The following MAGI2 variants were observed in gnomAD, a reference collection of about 807,000 sequenced individuals.
MAGI2 encodes the protein membrane-associated guanylate kinase, WW and PDZ domain-containing protein 2.
MAGI2 carries 35 observed loss-of-function variants against 133.3 expected under a neutral mutation model. The observed-to-expected ratio is 0.26, with a 90% CI of 0.20 to 0.35. The LOEUF is 0.35. MAGI2 is among the 10% of genes least tolerant of loss of function. MAGI2 has a pLI of 1.00. For synonymous variants in MAGI2, 729 were observed against 710.6 expected, an observed-to-expected ratio of 1.03 and a Z score of -0.41; for missense variants, 1,636 against 1,863.4, an observed-to-expected ratio of 0.88 and a Z score of 2.25.
chr7:78,866,637 C>A (rs2151512070), intron 2 of MAGI2, among the ~76,000 whole-genome samples: 1 of 151,960 alleles, frequency 6.6e-6, no homozygotes, highest in East Asian at 1.9e-4. Context: ...CTTTAAAATG[C>A]CAGACATTTG....
intron 12 of MAGI2, among the ~76,000 whole-genome samples, chr7:78,187,824 G>A (rs897927652): frequency 3.8e-4 from 58 of 152,124 alleles, no homozygotes; most frequent in African/African-American, 1.3e-3. Flanking sequence ...ATACTCTCAC[G>A]AGGACCTACT....
At chr7:78,262,927 G>A (rs943439662) in intron 9 of MAGI2, among the ~76,000 whole-genome samples, 6 of 152,120 alleles carry the variant, frequency 3.9e-5, no homozygotes, top group African/African-American at 1.4e-4. Context: ...CATCGCCCAG[G>A]TAGTAAGCAT....
chr7:79,131,658 T>C (rs1820947186), intron 1 of MAGI2, among the ~76,000 whole-genome samples: 1 of 152,210 alleles, frequency 6.6e-6, no homozygotes, highest in Admixed American at 6.5e-5. Context: ...TGTATCTTAT[T>C]GCTTTCCTTT....
In MAGI2 at chr7:78,346,307, C is replaced by T. The variant is rs12154641; in HGVS notation, c.1104-264G>A. Reference sequence around the variant, plus strand: ...ATTCAGCCAAAAGAACTAGAATGTGCACTTGCTTTCTGGTCTACTGTGTTC... The same window carrying T: ...ATTCAGCCAAAAGAACTAGAATGTGTACTTGCTTTCTGGTCTACTGTGTTC... On this transcript the variant is annotated intron_variant, in intron 7 of 21. Transcript: ENST00000354212. Among the ~76,000 whole-genome samples the T allele has an allele frequency of 0.46, 70,607 of 152,014 alleles. 16,772 individuals carry two copies. Among genetic ancestry groups the T allele is most frequent in the Non-Finnish European group, 0.5 (34,192 of 67,974 alleles).
Position 78,500,192 on chromosome 7 carries a change from G to A in MAGI2, c.965+1385C>T, listed in dbSNP as rs73152157. Among the ~76,000 whole-genome samples the A allele has an allele frequency of 5.6e-3, 848 of 152,248 alleles. 6 individuals carry two copies. Among genetic ancestry groups the A allele is most frequent in the Middle Eastern group, 0.017 (5 of 294 alleles). On this transcript the variant is annotated intron_variant, in intron 5 of 21. Coordinates refer to ENST00000354212, the MANE Select transcript of MAGI2 (RefSeq NM_012301.4). Reference sequence around the variant, plus strand: ...CATGATTCAGAGTTTCCAACTTCACGTGAGAATTAAATATTGGTATGTGGT... The same window carrying A: ...CATGATTCAGAGTTTCCAACTTCACATGAGAATTAAATATTGGTATGTGGT...
At chr7:78,348,793 G>C (rs1023126828) in intron 7 of MAGI2, among the ~76,000 whole-genome samples, 22 of 152,120 alleles carry the variant, frequency 1.4e-4, no homozygotes, top group Non-Finnish European at 2.2e-4. Flanking sequence ...AACAACAAAA[G>C]TAAACAAAAT....
At chr7:78,451,359 G>T (rs554028716) in intron 6 of MAGI2, among the ~76,000 whole-genome samples, 2 of 152,064 alleles carry the variant, frequency 1.3e-5, no homozygotes, top group Non-Finnish European at 2.9e-5. Context: ...AAATAAAAAG[G>T]GAACTGCTTT....
intron 5 of MAGI2, among the ~76,000 whole-genome samples, chr7:78,495,330 T>A (rs1174120884): frequency 1.3e-5 from 2 of 152,142 alleles, no homozygotes; most frequent in Non-Finnish European, 2.9e-5. Flanking sequence ...TTCTCATTGT[T>A]CAACTCCTGC....
intron 2 of MAGI2, among the ~76,000 whole-genome samples, chr7:78,662,468 A>G (rs992799265): frequency 3.3e-5 from 5 of 152,224 alleles, no homozygotes; most frequent in African/African-American, 4.8e-5. Flanking sequence ...CTTTGCTGAT[A>G]CTACTTTTCT....
intron 9 of MAGI2, among the ~76,000 whole-genome samples, chr7:78,280,779 G>A (rs1172309445): frequency 3.4e-5 from 5 of 147,850 alleles, no homozygotes; most frequent in Admixed American, 1.4e-4. Flanking sequence ...TTAGAAATAC[G>A]GAATGTCAAG....
chr7:78,601,949 C>T (rs1369826925), intron 3 of MAGI2, among the ~76,000 whole-genome samples: 10 of 152,234 alleles, frequency 6.6e-5, no homozygotes, highest in African/African-American at 2.4e-4. Context: ...CAGAGTCCTA[C>T]TTAGCTGAGT....
chr7:79,154,602 G>T (rs1823586512), intron 1 of MAGI2, among the ~76,000 whole-genome samples: 1 of 152,106 alleles, frequency 6.6e-6, no homozygotes, highest in African/African-American at 2.4e-5. Flanking sequence ...GAGGAGGAGA[G>T]ATTTAAATGC....
At chr7:78,428,703 C>T (rs1329149979) in intron 6 of MAGI2, among the ~76,000 whole-genome samples, 2 of 152,192 alleles carry the variant, frequency 1.3e-5, no homozygotes, top group African/African-American at 4.8e-5. Context: ...CTGACTTGGC[C>T]TCTCACCTTC....
At chr7:79,248,572 TCTC>T (rs1347858698) in intron 1 of MAGI2, among the ~76,000 whole-genome samples, 3 of 152,094 alleles carry the variant, frequency 2.0e-5, no homozygotes, top group African/African-American at 7.2e-5. Context: ...TACACAGTCT[TCTC>T]CTTAGTACAT....
chr7:78,489,907 A>AAT, intron 5 of MAGI2, 67 bp from the exon 6 acceptor site: 1 of 1,277,374 alleles, frequency 7.8e-7, no homozygotes, highest in East Asian at 2.3e-5. Flanking sequence ...TCCTTAAGAA[A>AAT]AAAAAAGCAG....
At chr7:78,236,014 G>A (rs1790498737) in intron 10 of MAGI2, among the ~76,000 whole-genome samples, 1 of 148,748 alleles carries the variant, frequency 6.7e-6, no homozygotes, top group South Asian at 2.1e-4. Context: ...ATCTAATTCA[G>A]GTAAGACTGT....
At chr7:79,332,260 G>A (rs1157413622) in intron 1 of MAGI2, among the ~76,000 whole-genome samples, 1 of 152,218 alleles carries the variant, frequency 6.6e-6, no homozygotes, top group Non-Finnish European at 1.5e-5. Flanking sequence ...TCCTGTTAAT[G>A]TGGTCTTCCT....
intron 10 of MAGI2, among the ~76,000 whole-genome samples, chr7:78,246,372 C>T (rs1791780052): frequency 6.6e-6 from 1 of 152,082 alleles, no homozygotes; most frequent in African/African-American, 2.4e-5. Context: ...AGCACATTGC[C>T]TCCAAAGGAA....
At chr7:78,487,170 T>TG (rs1026629535) in intron 6 of MAGI2, 2 of 173,206 alleles carry the variant, frequency 1.2e-5, no homozygotes, top group South Asian at 1.3e-4. Flanking sequence ...TGCAGCAGGA[T>TG]GGGGAAAAAA....
Sources: gnomAD v4.1 joint callset for allele counts (sites outside exome capture counted in the v4.1 genomes callset) on GRCh38, gnomAD v4.1.1 for gene constraint, MANE v1.5 for transcripts, NCBI Gene and HGNC (gene_info 2026-07-23, HGNC 2026-07-21) for gene names.